MAPK14: variants seen among roughly 807,000 people sequenced by gnomAD.
MAPK14 encodes the protein mitogen-activated protein kinase 14.
A neutral mutation model predicts 49.6 loss-of-function variants in MAPK14; 16 were observed. The ratio of observed to expected loss-of-function variants is 0.32; its 90% CI spans 0.22 to 0.49. MAPK14 has a LOEUF of 0.49. Among genes scored for constraint, MAPK14 ranks in the 20% least tolerant of loss-of-function variants. The pLI, the probability that MAPK14 is intolerant of heterozygous loss-of-function variation, is 0.99. For missense variants in MAPK14, 200 were observed against 441.2 expected, an observed-to-expected ratio of 0.45 and a Z score of 4.90; for synonymous variants, 142 against 158.0, an observed-to-expected ratio of 0.90 and a Z score of 0.76.
chr6:36,052,131 A>G (rs181058138), intron 1 of MAPK14, among the ~76,000 whole-genome samples: 1 of 152,142 alleles, frequency 6.6e-6, no homozygotes, highest in Non-Finnish European at 1.5e-5. Flanking sequence ...TGAAGGTGCC[A>G]AGTACTTTGT....
intron 9 of MAPK14, chr6:36,098,040 C>T (rs892482388): frequency 3.3e-5 from 5 of 151,372 alleles, no homozygotes; most frequent in Non-Finnish European, 7.4e-5. Flanking sequence ...CTTAAAAGCG[C>T]ATGATGTATG....
At chr6:36,119,319 G>A in the MAPK14 span, among the ~76,000 whole-genome samples, 13 of 152,320 alleles carry the variant, frequency 8.5e-5, no homozygotes, top group South Asian at 2.1e-4. Context: ...GAATTTGCCC[G>A]TGCAAAAACT....
intron 8 of MAPK14, chr6:36,092,779 A>G (rs1319299921): frequency 4.1e-6 from 1 of 245,800 alleles, no homozygotes; most frequent in Admixed American, 5.1e-5. Context: ...GACTCAAGAC[A>G]TCGGCACCTC....
intron 8 of MAPK14, among the ~76,000 whole-genome samples, chr6:36,091,398 A>T (rs1459544149): frequency 6.6e-6 from 1 of 152,232 alleles, no homozygotes; most frequent in Non-Finnish European, 1.5e-5. Flanking sequence ...TGACGTTGTG[A>T]TCATTACAAT....
At chr6:36,069,640 T>G (rs1333019800) in intron 3 of MAPK14, among the ~76,000 whole-genome samples, 1 of 152,180 alleles carries the variant, frequency 6.6e-6, no homozygotes, top group South Asian at 2.1e-4. Flanking sequence ...ATGGATGTGG[T>G]CTCTGAGGGG....
chr6:36,100,155 A>G (rs1192241864), intron 9 of MAPK14: 1 of 1,433,616 alleles, frequency 7.0e-7, no homozygotes, highest in East Asian at 2.3e-5. Context: ...TTTGCACTGT[A>G]TGTTTAACAA....
intron 9 of MAPK14, among the ~76,000 whole-genome samples, chr6:36,102,211 C>T (rs1294968505): frequency 6.6e-6 from 1 of 152,248 alleles, no homozygotes; most frequent in Non-Finnish European, 1.5e-5. Context: ...GGAATACCAA[C>T]CCCTCTACCA....
intron 1 of MAPK14, among the ~76,000 whole-genome samples, chr6:36,031,152 C>A (rs1051505971): frequency 6.6e-6 from 1 of 150,540 alleles, no homozygotes; most frequent in Non-Finnish European, 1.5e-5. Context: ...GTAGCTGGGA[C>A]TACAGGTGCC....
downstream of MAPK14, among the ~76,000 whole-genome samples, chr6:36,114,893 G>T (rs1766033570): frequency 6.6e-6 from 1 of 152,158 alleles, no homozygotes; most frequent in Admixed American, 6.5e-5. Flanking sequence ...ATCTCAATGT[G>T]CCTGGTGTGT....
At chr6:36,098,929 A>T (rs1026155550) in intron 9 of MAPK14, among the ~76,000 whole-genome samples, 1 of 152,236 alleles carries the variant, frequency 6.6e-6, no homozygotes, top group Non-Finnish European at 1.5e-5. Context: ...TCTTAAAAGG[A>T]CCGCAAATCA....
intron 1 of MAPK14, among the ~76,000 whole-genome samples, chr6:36,041,559 C>T (rs1231425606): frequency 1.3e-5 from 2 of 152,142 alleles, no homozygotes; most frequent in East Asian, 3.8e-4. Context: ...CTTGAAGATA[C>T]CAGAGATGTA....
chr6:36,107,529 G>T lies in MAPK14; in HGVS notation c.916G>T (p.Ala306Ser). ...RITAAQALAHAYFAQYHDPDD... is the reference protein window; with the variant it reads ...RITAAQALAHSYFAQYHDPDD... ...TACAGCGGCCCAAGCCCTTGCACAT[G>T]CCTACTTTGCTCAGTACCACGATCC... The change falls in exon 11 of 12, where the codon GCC becomes TCC. Residue 306 changes from alanine (A) to serine (S), a missense_variant. Coordinates refer to ENST00000229794, the MANE Select transcript of MAPK14 (RefSeq NM_139012.3). The surrounding 1 kb of genome is among the most constrained non-coding windows in gnomAD (Gnocchi z 4.3). The T allele has an allele frequency of 6.2e-7, 1 of 1,606,506 alleles. No individual in the cohort carries two copies. Among genetic ancestry groups the T allele is most frequent in the Non-Finnish European group, 8.5e-7 (1 of 1,176,466 alleles).
At chr6:36,121,944 G>A in the MAPK14 span, among the ~76,000 whole-genome samples, 1 of 152,230 alleles carries the variant, frequency 6.6e-6, no homozygotes, top group African/African-American at 2.4e-5. Context: ...TAAGTTACAT[G>A]TATGTAAAGC....
intron 6 of MAPK14, among the ~76,000 whole-genome samples, chr6:36,074,784 T>A (rs1764453912): frequency 1.3e-5 from 2 of 151,850 alleles, no homozygotes; most frequent in South Asian, 2.1e-4. Context: ...CCCGGCTAAT[T>A]TTTGTATTTT....
chr6:36,060,920 AC>A (rs555211440), intron 3 of MAPK14, among the ~76,000 whole-genome samples: 259 of 152,310 alleles, frequency 1.7e-3, no homozygotes, highest in Admixed American at 3.8e-3. Flanking sequence ...AGTTTAAGAA[AC>A]AAAGGAAAAA....
At chr6:36,066,741 G>GGTGT (rs10653139) in intron 3 of MAPK14, among the ~76,000 whole-genome samples, 28 of 149,572 alleles carry the variant, frequency 1.9e-4, no homozygotes, top group African/African-American at 6.1e-4. Context: ...ATGAATTCTG[G>GGTGT]GTGTGTGTGT....
At chr6:36,092,192 C>T (rs372650509) in intron 8 of MAPK14, 5 of 530,696 alleles carry the variant, frequency 9.4e-6, no homozygotes, top group Non-Finnish European at 1.9e-5. Context: ...ACATTTTCTG[C>T]GTCATCTCCG....
chr6:36,067,577 CTG>C (rs1764110198), intron 3 of MAPK14, among the ~76,000 whole-genome samples: 1 of 152,016 alleles, frequency 6.6e-6, no homozygotes, highest in South Asian at 2.1e-4. Flanking sequence ...GTAATGTAGA[CTG>C]TGTGGTAAAA....
At chr6:36,043,804 CTTTTTTTTTTTTTTTTT>C (rs796534477) in intron 1 of MAPK14, among the ~76,000 whole-genome samples, 1 of 90,394 alleles carries the variant, frequency 1.1e-5, no homozygotes, top group Non-Finnish European at 2.1e-5. Flanking sequence ...CTTTTTCTTT[CTTTTTTTTTTTTTTTTT>C]TTTTTTGAGA....
Sources: gnomAD v4.1 joint callset for allele counts (sites outside exome capture counted in the v4.1 genomes callset) on GRCh38, gnomAD v4.1.1 for gene constraint, Gnocchi (gnomAD v3.1) non-coding constraint, MANE v1.5 for transcripts, NCBI Gene and HGNC (gene_info 2026-07-23, HGNC 2026-07-21) for gene names.